The following EMCN variants were observed in gnomAD, a reference collection of about 807,000 sequenced individuals.
The protein encoded by EMCN is MUC-14.
Under a neutral mutation model 38.4 loss-of-function variants are expected in EMCN, and 37 were observed. The observed-to-expected ratio is 0.96, with a 90% confidence interval of 0.74 to 1.27. The LOEUF (loss-of-function observed/expected upper bound fraction) is 1.27. EMCN is among the 50% of genes most tolerant of loss of function. The pLI, the probability that EMCN is intolerant of heterozygous loss-of-function variation, is 0.00. For missense variants in EMCN, 318 were observed against 302.8 expected (o/e 1.05, Z -0.37); for synonymous variants, 95 against 100.8 (o/e 0.94, Z 0.35).
At chr4:100,452,466 A>T (rs572090078) in intron 4 of EMCN, among the ~76,000 whole-genome samples, 15 of 152,172 alleles carry the variant, frequency 9.9e-5, no homozygotes, top group African/African-American at 3.6e-4. Context: ...TTGCTTTAGT[A>T]GAGTTCTATA....
intron 5 of EMCN, among the ~76,000 whole-genome samples, chr4:100,438,225 T>A (rs1166362995): frequency 2.0e-5 from 3 of 152,050 alleles, no homozygotes; most frequent in Non-Finnish European, 4.4e-5. Context: ...CTTGTGATGG[T>A]TTGACTCAAC....
intron 3 of EMCN, among the ~76,000 whole-genome samples, chr4:100,467,711 A>T (rs568458051): frequency 2.0e-5 from 3 of 151,686 alleles, no homozygotes; most frequent in Admixed American, 6.6e-5. Context: ...AGATATGAGA[A>T]TCATAGTCAT....
intron 1 of EMCN, among the ~76,000 whole-genome samples, chr4:100,481,844 T>A (rs1728813181): frequency 1.3e-5 from 2 of 151,792 alleles, no homozygotes; most frequent in Non-Finnish European, 2.9e-5. Flanking sequence ...AGAGATGTTT[T>A]CCTTCCTTCC....
chr4:100,403,842 G>C (rs1475302132), intron 11 of EMCN, among the ~76,000 whole-genome samples: 1 of 151,902 alleles, frequency 6.6e-6, no homozygotes, highest in Non-Finnish European at 1.5e-5. Context: ...AGGCACTTTT[G>C]CATATGCTTG....
intron 1 of EMCN, among the ~76,000 whole-genome samples, chr4:100,494,017 G>A (rs1294359268): frequency 6.6e-6 from 1 of 152,138 alleles, no homozygotes; most frequent in African/African-American, 2.4e-5. Context: ...TAAGTGCTGG[G>A]ACAAAAACAT....
At position 100,423,883 on chromosome 4, in the gene EMCN, G is replaced by A. The variant is rs541043430; in HGVS notation, c.416-479C>T. ...ATTGCAGTTGAGGCTTTGGTTAGAAGAATTGAGGAAAAATCAAAGAAGACT... is the reference window on the plus strand; with the variant it reads ...ATTGCAGTTGAGGCTTTGGTTAGAAAAATTGAGGAAAAATCAAAGAAGACT... On this transcript the variant is annotated intron_variant, in intron 5 of 11. Coordinates refer to ENST00000296420, the MANE Select transcript of EMCN (RefSeq NM_016242.4). Among the ~76,000 whole-genome samples the A allele has an allele frequency of 1.0e-3, 155 of 152,114 alleles. 1 individual carries two copies. Among genetic ancestry groups the A allele is most frequent in the African/African-American group, 3.6e-3 (149 of 41,530 alleles).
chr4:100,473,000 ATATATATAT>A (rs1165000157), intron 3 of EMCN, among the ~76,000 whole-genome samples: 2 of 135,804 alleles, frequency 1.5e-5, no homozygotes, highest in Non-Finnish European at 3.1e-5. Flanking sequence ...CTAGAAGTAT[ATATATATAT>A]TATATATATA....
chr4:100,459,446 G>A (rs1349811844), intron 4 of EMCN, among the ~76,000 whole-genome samples: 1 of 151,926 alleles, frequency 6.6e-6, no homozygotes, highest in Non-Finnish European at 1.5e-5. Context: ...TACTCTCTTA[G>A]TGATTTTCAA....
intron 1 of EMCN, among the ~76,000 whole-genome samples, chr4:100,501,304 A>G (rs189193168): frequency 1.3e-5 from 2 of 152,238 alleles, no homozygotes; most frequent in Admixed American, 6.5e-5. Flanking sequence ...TGAAAAGATC[A>G]ATCATTACTC....
intron 1 of EMCN, among the ~76,000 whole-genome samples, chr4:100,491,754 C>A (rs1729087347): frequency 6.6e-6 from 1 of 152,192 alleles, no homozygotes; most frequent in Non-Finnish European, 1.5e-5. Flanking sequence ...GGTCTTGCCA[C>A]ATAGCAGAGC....
chr4:100,440,311 A>C (rs1027937664), intron 5 of EMCN, among the ~76,000 whole-genome samples: 1 of 151,784 alleles, frequency 6.6e-6, no homozygotes, highest in Non-Finnish European at 1.5e-5. Context: ...TATAGTGGTG[A>C]ATTCTGAGGT....
chr4:100,412,757 G>T (rs1159493024), intron 10 of EMCN, among the ~76,000 whole-genome samples: 1 of 152,094 alleles, frequency 6.6e-6, no homozygotes, highest in Non-Finnish European at 1.5e-5. Context: ...TTACATTTAA[G>T]AGAATTCCAA....
At chr4:100,463,047 T>C (rs1728223921) in intron 4 of EMCN, among the ~76,000 whole-genome samples, 1 of 152,154 alleles carries the variant, frequency 6.6e-6, no homozygotes, top group African/African-American at 2.4e-5. Flanking sequence ...ATGCTTCCAT[T>C]ACTTATATTC....
chr4:100,419,904 T>G (rs1726841033), intron 8 of EMCN, among the ~76,000 whole-genome samples: 1 of 152,086 alleles, frequency 6.6e-6, no homozygotes, highest in Non-Finnish European at 1.5e-5. Flanking sequence ...GTCCATGCAA[T>G]GCATGGTGAG....
rs561604708 is a variant in EMCN, at chr4:100,440,756, A to T, written c.415+6777T>A. Among the ~76,000 whole-genome samples, 4 of 152,178 alleles carry T rather than the reference A, an allele frequency of 2.6e-5. No homozygotes were observed. The East Asian group carries it at 7.7e-4, about 29-fold the overall frequency. On this transcript the variant is annotated intron_variant, in intron 5 of 11. Coordinates refer to ENST00000296420, the MANE Select transcript of EMCN (RefSeq NM_016242.4). ...CATGCGCAAGTGTATTTTTAATATG[A>T]CGACTTCTTTTCCTTTGGGTTGACA...
intron 5 of EMCN, among the ~76,000 whole-genome samples, chr4:100,423,704 T>A (rs1219010795): frequency 6.6e-6 from 1 of 152,140 alleles, no homozygotes; most frequent in Non-Finnish European, 1.5e-5. Context: ...CATAAGATTC[T>A]TGTGGGATGT....
At chr4:100,407,288 A>C (rs1560602212) in intron 11 of EMCN, among the ~76,000 whole-genome samples, 1 of 152,086 alleles carries the variant, frequency 6.6e-6, no homozygotes, top group Non-Finnish European at 1.5e-5. Context: ...CGTTACGTAG[A>C]CATGATTGTG....
chr4:100,470,154 T>C (rs1365456741), intron 3 of EMCN, among the ~76,000 whole-genome samples: 3 of 151,770 alleles, frequency 2.0e-5, no homozygotes, highest in Non-Finnish European at 4.4e-5. Flanking sequence ...CCAACAAAAG[T>C]CTAATATTCC....
intron 11 of EMCN, among the ~76,000 whole-genome samples, chr4:100,409,136 C>T (rs918218664): frequency 1.3e-5 from 2 of 152,178 alleles, no homozygotes; most frequent in African/African-American, 4.8e-5. Flanking sequence ...TAGACATAGG[C>T]CATGAATAAC....
Sources: allele counts gnomAD v4.1 joint callset (sites outside exome capture counted in the v4.1 genomes callset), GRCh38; gene constraint gnomAD v4.1.1; transcripts MANE v1.5; gene names NCBI Gene and HGNC (gene_info 2026-07-23, HGNC 2026-07-21).